DLG2: variants seen among roughly 807,000 people sequenced by gnomAD.
The protein encoded by DLG2 is disks large homolog 2.
DLG2 carries 45 observed loss-of-function variants against 132.5 expected under a neutral mutation model. That is an observed-to-expected ratio of 0.34 (90% confidence interval 0.27 to 0.44). DLG2 has a LOEUF of 0.44. Among genes scored for constraint, DLG2 ranks in the 20% least tolerant of loss-of-function variants. DLG2 has a pLI of 1.00. For missense variants in DLG2, 1,045 were observed against 1,196.9 expected (o/e 0.87, Z 1.87); for synonymous variants, 424 against 419.6 (o/e 1.01, Z -0.13).
intron 8 of DLG2, chr11:84,167,150 T>C (rs1212935517): frequency 7.8e-6 from 3 of 382,908 alleles, no homozygotes; most frequent in African/African-American, 2.1e-5. Context: ...TTGAAAAATG[T>C]GTGTGCATGT....
intron 6 of DLG2, among the ~76,000 whole-genome samples, chr11:84,844,131 GTGTGTATATATATATATATATA>G (rs1419287394): frequency 5.7e-4 from 15 of 26,402 alleles, no homozygotes; most frequent in African/African-American, 1.8e-3. Flanking sequence ...GTGTGTGTGT[GTGTGTATATATATATATATATA>G]TATATATATA....
intron 3 of DLG2, among the ~76,000 whole-genome samples, chr11:85,431,948 C>A (rs2091214002): frequency 6.6e-6 from 1 of 152,138 alleles, no homozygotes; most frequent in Non-Finnish European, 1.5e-5. Context: ...AGTCAGGAAC[C>A]CAGAGGAAGG....
chr11:85,557,467 T>C (rs901886996), intron 3 of DLG2, among the ~76,000 whole-genome samples: 1 of 151,702 alleles, frequency 6.6e-6, no homozygotes, highest in East Asian at 1.9e-4. Context: ...CTAAAATTCA[T>C]ACAGAACCAA....
At chr11:84,756,941 G>A (rs892576164) in intron 6 of DLG2, among the ~76,000 whole-genome samples, 1 of 152,096 alleles carries the variant, frequency 6.6e-6, no homozygotes, top group Non-Finnish European at 1.5e-5. Flanking sequence ...GAGATAAATG[G>A]GTGGAAGAGG....
chr11:84,609,813 T>C (rs2099592235), intron 6 of DLG2, among the ~76,000 whole-genome samples: 1 of 152,138 alleles, frequency 6.6e-6, no homozygotes, highest in African/African-American at 2.4e-5. Flanking sequence ...ACTGGCAGCA[T>C]TTAATGGTTA....
chr11:84,158,677 A>G (rs1428978961), intron 9 of DLG2, among the ~76,000 whole-genome samples: 1 of 152,326 alleles, frequency 6.6e-6, no homozygotes. Context: ...AAACATAGCA[A>G]AAGTATAAGC....
chr11:84,214,274 C>T lies in DLG2; in HGVS notation c.573+36964G>A, dbSNP rs113709685. 9.7e-3 allele frequency among the ~76,000 whole-genome samples: 1,249 copies of T among 128,108 alleles called. 189 individuals are homozygous for T. Among genetic ancestry groups the T allele is most frequent in the African/African-American group, 0.051 (1,183 of 23,132 alleles). The allele number at this position is 128,108 out of a possible 152,430, so 84.0% of individuals were successfully genotyped here. ...ATACATATATATGAATATATATACA[C>T]ATATATGAATATATATATGAGAGAA... On this transcript the variant is annotated intron_variant, in intron 8 of 27. Coordinates refer to ENST00000376104, the MANE Select transcript of DLG2 (RefSeq NM_001142699.3).
intron 6 of DLG2, among the ~76,000 whole-genome samples, chr11:84,546,260 T>G (rs1038455211): frequency 6.6e-6 from 1 of 152,106 alleles, no homozygotes; most frequent in African/African-American, 2.4e-5. Context: ...GAGATCTGAT[T>G]GTTTGGAAGT....
chr11:84,044,567 T>C (rs566601261), intron 11 of DLG2, among the ~76,000 whole-genome samples: 17 of 151,694 alleles, frequency 1.1e-4, no homozygotes, highest in Non-Finnish European at 1.8e-4. Flanking sequence ...TACAGGCAAG[T>C]GTGTCATTTT....
chr11:83,971,434 G>A (rs939119217), intron 12 of DLG2, among the ~76,000 whole-genome samples: 25 of 152,196 alleles, frequency 1.6e-4, no homozygotes, highest in Non-Finnish European at 3.5e-4. Context: ...CTTGCAAGGA[G>A]ACATGGCAAG....
At chr11:85,107,296 C>A (rs555543283) in intron 6 of DLG2, among the ~76,000 whole-genome samples, 29 of 152,114 alleles carry the variant, frequency 1.9e-4, no homozygotes, top group Non-Finnish European at 3.1e-4. Flanking sequence ...GTAGCCAAAT[C>A]ATGTGTATTT....
chr11:85,428,606 T>C (rs1276547382), intron 3 of DLG2, among the ~76,000 whole-genome samples: 1 of 152,126 alleles, frequency 6.6e-6, no homozygotes, highest in Non-Finnish European at 1.5e-5. Flanking sequence ...CATACCAGAA[T>C]CTGTGGGACA....
At chr11:84,270,023 A>C (rs1054071588) in intron 7 of DLG2, among the ~76,000 whole-genome samples, 11 of 152,210 alleles carry the variant, frequency 7.2e-5, no homozygotes, top group African/African-American at 2.7e-4. Context: ...TGATTGAACT[A>C]ACAAACGAAT....
intron 6 of DLG2, among the ~76,000 whole-genome samples, chr11:84,659,204 C>T (rs567415870): frequency 2.1e-4 from 32 of 151,838 alleles, no homozygotes; most frequent in Non-Finnish European, 4.4e-4. Flanking sequence ...TTGTAGGTAG[C>T]CTCAATCTAA....
At chr11:84,588,835 G>T (rs1593068725) in intron 6 of DLG2, among the ~76,000 whole-genome samples, 1 of 148,762 alleles carries the variant, frequency 6.7e-6, no homozygotes, top group East Asian at 1.9e-4. Context: ...GGGCTGCTTT[G>T]TCTATGAAGC....
chr11:85,421,803 A>C (rs1454838026), intron 3 of DLG2, among the ~76,000 whole-genome samples: 1 of 152,096 alleles, frequency 6.6e-6, no homozygotes, highest in Non-Finnish European at 1.5e-5. Context: ...GGCTTTAAAC[A>C]GTTTCCATTT....
At chr11:85,072,105 T>A (rs1566789822) in intron 6 of DLG2, among the ~76,000 whole-genome samples, 2 of 151,916 alleles carry the variant, frequency 1.3e-5, no homozygotes, top group African/African-American at 2.4e-5. Context: ...CCTCTTCAGT[T>A]CATTGTCCTC....
At chr11:83,936,569 A>G (rs1228780275) in intron 14 of DLG2, among the ~76,000 whole-genome samples, 1 of 152,222 alleles carries the variant, frequency 6.6e-6, no homozygotes, top group Non-Finnish European at 1.5e-5. Context: ...TATTTTTTCT[A>G]TGTAAACATC....
At chr11:85,378,424 G>A (rs995558564) in intron 3 of DLG2, among the ~76,000 whole-genome samples, 1 of 152,086 alleles carries the variant, frequency 6.6e-6, no homozygotes, top group South Asian at 2.1e-4. Flanking sequence ...TAACTGTTTT[G>A]ACCTTCAGTT....
Sources: gnomAD v4.1 joint callset for allele counts (sites outside exome capture counted in the v4.1 genomes callset) on GRCh38, gnomAD v4.1.1 for gene constraint, MANE v1.5 for transcripts, NCBI Gene and HGNC (gene_info 2026-07-23, HGNC 2026-07-21) for gene names.